Variants in NELL1 observed in about 807,000 individuals in gnomAD.
NELL1 encodes the protein neural EGFL like 1.
Under a neutral mutation model 107.4 loss-of-function variants are expected in NELL1, and 76 were observed. The observed-to-expected ratio is 0.71, with a 90% confidence interval of 0.59 to 0.86. The LOEUF (loss-of-function observed/expected upper bound fraction) is 0.86, where lower values mean the gene tolerates loss of function less well. Ranked by LOEUF, NELL1 falls within the 40% of genes least tolerant of loss-of-function variation. NELL1 has a pLI of 0.00. For missense variants in NELL1, 1,024 were observed against 1,005.5 expected, an observed-to-expected ratio of 1.02 and a Z score of -0.25; for synonymous variants, 353 against 341.2, an observed-to-expected ratio of 1.03 and a Z score of -0.38.
intron 12 of NELL1, among the ~76,000 whole-genome samples, chr11:21,047,368 C>T (rs1263837763): frequency 1.3e-5 from 2 of 151,726 alleles, no homozygotes; most frequent in Non-Finnish European, 2.9e-5. Flanking sequence ...TTTTATAATA[C>T]AATTTTATAA....
At chr11:21,404,005 A>AACC (rs1554905726) in intron 15 of NELL1, among the ~76,000 whole-genome samples, 11 of 50,904 alleles carry the variant, frequency 2.2e-4, no homozygotes, top group Non-Finnish European at 3.6e-4. Flanking sequence ...TCATTCCTGA[A>AACC]CCCCCCCCCC....
rs1851421880 is a variant in NELL1, at chr11:20,968,084, A to T, written c.1300+7524A>T. 2.6e-5 allele frequency among the ~76,000 whole-genome samples: 4 copies of T among 152,304 alleles called. No homozygotes were observed. In the South Asian group the frequency reaches 6.2e-4, roughly 24 times the overall value. On this transcript the variant is annotated intron_variant, in intron 12 of 19. Transcript: ENST00000357134. ...GTTCAAATGCCACTTCTTTAGAAAG[A>T]TCTCTCCTAACCACGCTGGCTAAAT...
At chr11:21,456,989 C>A (rs1277619318) in intron 15 of NELL1, among the ~76,000 whole-genome samples, 2 of 133,424 alleles carry the variant, frequency 1.5e-5, no homozygotes, top group East Asian at 2.1e-4. Context: ...CCTGGAAATA[C>A]ACACACACAC....
chr11:21,038,254 T>A (rs987636772), intron 12 of NELL1, among the ~76,000 whole-genome samples: 1 of 152,228 alleles, frequency 6.6e-6, no homozygotes, highest in Non-Finnish European at 1.5e-5. Context: ...TGGAAGATAA[T>A]AATGAGATTC....
At chr11:20,753,408 A>G (rs1295940440) in intron 2 of NELL1, among the ~76,000 whole-genome samples, 1 of 145,988 alleles carries the variant, frequency 6.8e-6, no homozygotes, top group East Asian at 2.1e-4. Context: ...AGCTAGTTCA[A>G]GAATACACTC....
intron 13 of NELL1, among the ~76,000 whole-genome samples, chr11:21,156,158 G>A (rs771666793): frequency 1.3e-5 from 2 of 151,910 alleles, no homozygotes; most frequent in Non-Finnish European, 2.9e-5. Context: ...GGAGGATGAA[G>A]ATTTAAAGAG....
rs974650759 is a variant in NELL1 at position 20,768,031 on chromosome 11, C to T, written c.185-15649C>T. ...GGGGAAGGCTTCCCCGCAGAGGTGA[C>T]GTTTGAGCTGAAGCCTAAATGAAGG... is the stretch of plus-strand genomic sequence containing the variant. On this transcript the variant is annotated intron_variant, in intron 2 of 19. Transcript: ENST00000357134. Among the ~76,000 whole-genome samples, 5 of 152,056 alleles carry T rather than the reference C, an allele frequency of 3.3e-5. No homozygotes were observed. In the South Asian group the frequency reaches 6.2e-4, roughly 19 times the overall value.
intron 12 of NELL1, among the ~76,000 whole-genome samples, chr11:20,976,373 A>C (rs967689355): frequency 1.3e-5 from 2 of 152,146 alleles, no homozygotes; most frequent in Admixed American, 6.6e-5. Flanking sequence ...AGTGACAAGC[A>C]GACCATTTGA....
rs918494468 is a variant in NELL1 at position 21,100,850 on chromosome 11, T to A, written c.1301-12739T>A. Among the ~76,000 whole-genome samples the A allele has an allele frequency of 5.3e-5, 8 of 152,322 alleles. No individual in the cohort carries two copies. In the East Asian group the frequency reaches 5.8e-4, roughly 11 times the overall value. ...TCTTTCTTTCTTTCTTTCTTTTTTT[T>A]AATTATACTTTAAGTTTTAGAGTAC... On this transcript the variant is annotated intron_variant, in intron 12 of 19. Transcript: ENST00000357134.
chr11:20,846,422 G>A (rs1662950272), intron 3 of NELL1, among the ~76,000 whole-genome samples: 1 of 152,192 alleles, frequency 6.6e-6, no homozygotes, highest in Non-Finnish European at 1.5e-5. Context: ...GGGTTAGCCA[G>A]CTCAGTGGAT....
At chr11:20,857,709 C>T (rs1044353432) in intron 4 of NELL1, among the ~76,000 whole-genome samples, 3 of 152,202 alleles carry the variant, frequency 2.0e-5, no homozygotes, top group African/African-American at 7.2e-5. Flanking sequence ...TGACAGTGCT[C>T]CTTATGCCTG....
chr11:20,764,835 A>G (rs576663250), intron 2 of NELL1, among the ~76,000 whole-genome samples: 44 of 152,196 alleles, frequency 2.9e-4, no homozygotes, highest in African/African-American at 1.0e-3. Flanking sequence ...CAAAATCTCC[A>G]ATCAAGGAAT....
intron 15 of NELL1, among the ~76,000 whole-genome samples, chr11:21,452,285 T>C (rs887754241): frequency 6.6e-6 from 1 of 152,172 alleles, no homozygotes; most frequent in Admixed American, 6.5e-5. Context: ...GTCTGGTGTC[T>C]AATGTCTTGA....
intron 12 of NELL1, among the ~76,000 whole-genome samples, chr11:21,025,914 G>A (rs1914250): frequency 0.76 from 115,148 of 152,042 alleles, 44,590 homozygotes; most frequent in Non-Finnish European, 0.85. Context: ...TGCTTAGGCT[G>A]AAACCTCTGG....
chr11:20,897,540 T>C (rs1356787816), intron 5 of NELL1, among the ~76,000 whole-genome samples: 1 of 152,038 alleles, frequency 6.6e-6, no homozygotes, highest in African/African-American at 2.4e-5. Flanking sequence ...CCAAAAGCAA[T>C]GGCAACAAAA....
At chr11:20,863,853 C>G (rs1849041478) in intron 4 of NELL1, among the ~76,000 whole-genome samples, 1 of 152,222 alleles carries the variant, frequency 6.6e-6, no homozygotes, top group Non-Finnish European at 1.5e-5. Flanking sequence ...CGTCTGCAAT[C>G]CCGGCACCTC....
At chr11:20,898,263 C>T (rs1035787557) in intron 5 of NELL1, among the ~76,000 whole-genome samples, 1 of 152,090 alleles carries the variant, frequency 6.6e-6, no homozygotes, top group African/African-American at 2.4e-5. Flanking sequence ...AGTTCATGTC[C>T]TTTGTAGGGA....
chr11:21,115,761 T>A (rs111576601), intron 13 of NELL1, among the ~76,000 whole-genome samples: 2 of 151,878 alleles, frequency 1.3e-5, no homozygotes, highest in African/African-American at 4.8e-5. Context: ...GAGGTAACCA[T>A]TATCAAGTAA....
At chr11:20,970,910 T>C (rs1249785860) in intron 12 of NELL1, among the ~76,000 whole-genome samples, 1 of 152,172 alleles carries the variant, frequency 6.6e-6, no homozygotes, top group Non-Finnish European at 1.5e-5. Flanking sequence ...CTTATTTTCA[T>C]CTCATCCTCA....
Sources: allele counts gnomAD v4.1 joint callset (sites outside exome capture counted in the v4.1 genomes callset), GRCh38; gene constraint gnomAD v4.1.1; transcripts MANE v1.5; gene names NCBI Gene and HGNC (gene_info 2026-07-23, HGNC 2026-07-21).